The following ARFGEF1 variants were observed in gnomAD, a reference collection of about 807,000 sequenced individuals.
ARFGEF1 encodes the protein ARF guanine nucleotide exchange factor 1.
In ARFGEF1, 42 loss-of-function variants were observed where a neutral mutation model predicts 231.0. The ratio of observed to expected loss-of-function variants is 0.18; its 90% CI spans 0.14 to 0.24. ARFGEF1 has a LOEUF of 0.24. Ranked by LOEUF, ARFGEF1 falls within the 10% of genes least tolerant of loss-of-function variation. ARFGEF1 has a pLI of 1.00. For synonymous variants in ARFGEF1, 710 were observed against 732.3 expected (o/e 0.97, Z 0.49); for missense variants, 1,345 against 2,192.0 (o/e 0.61, Z 7.72).
chr8:67,280,198 C>G (rs1238618604), intron 7 of ARFGEF1, among the ~76,000 whole-genome samples: 1 of 152,180 alleles, frequency 6.6e-6, no homozygotes, highest in Non-Finnish European at 1.5e-5. Context: ...TAAAAGACTT[C>G]AAAGCCTAGA....
Position 67,217,807 on chromosome 8 carries a change from TATCCA to T in ARFGEF1, c.4583_4587del (p.Leu1528HisfsTer30). 6.2e-7 allele frequency: 1 copy of T among 1,613,988 alleles called. No individual in the cohort carries two copies. Among genetic ancestry groups the T allele is most frequent in the Non-Finnish European group, 8.5e-7 (1 of 1,179,928 alleles). ...GCATGTGGGATTGTGGTTTTGAAGA[TATCCA>T]GTGTGCAGTTGCAAGTTTTATCCCA... On this transcript the variant is annotated frameshift_variant, in exon 32 of 39. Transcript: ENST00000262215. LOFTEE classifies it high-confidence loss of function.
intron 5 of ARFGEF1, among the ~76,000 whole-genome samples, chr8:67,188,805 G>A (rs1835397608): frequency 6.6e-6 from 1 of 152,196 alleles, no homozygotes; most frequent in Non-Finnish European, 1.5e-5. Flanking sequence ...TTCCTGCACG[G>A]CTAAGTGCCC....
chr8:67,196,732 C>A (rs534758861), downstream of ARFGEF1, among the ~76,000 whole-genome samples: 3 of 152,272 alleles, frequency 2.0e-5, no homozygotes, highest in East Asian at 5.8e-4. Context: ...TCTGACTCTT[C>A]TAGGGGAAGA....
chr8:67,285,624 T>C (rs1805725620), intron 7 of ARFGEF1, among the ~76,000 whole-genome samples: 1 of 152,176 alleles, frequency 6.6e-6, no homozygotes, highest in Non-Finnish European at 1.5e-5. Context: ...AAATGTTCCT[T>C]TACAGAGAGC....
chr8:67,228,101 A>C lies in ARFGEF1; in HGVS notation c.3453T>G (p.Ser1151=). The C allele has an allele frequency of 1.2e-6, 2 of 1,610,848 alleles. No individual in the cohort carries two copies. The highest frequency in any genetic ancestry group is 1.7e-6 in the Non-Finnish European group (2 of 1,178,860). ...GTGTCGTGGAAAGTAATTCATCCAT[A>C]GACACAGCACAGAGCCAACGGACAA... ...VDFVRWLCAV[S]MDELLSTTHP... The change falls in exon 25 of 39, where the codon TCT becomes TCG. Residue 1151 remains serine (S), a synonymous_variant. Transcript: ENST00000262215.
At chr8:67,250,295 A>G (rs1044059741) in intron 19 of ARFGEF1, among the ~76,000 whole-genome samples, 2 of 152,194 alleles carry the variant, frequency 1.3e-5, no homozygotes, top group African/African-American at 2.4e-5. Flanking sequence ...GCCTGTTAGG[A>G]GAATGCCGCA....
At position 67,330,915 on chromosome 8, in the gene ARFGEF1, A is replaced by G. The variant is rs373776123; in HGVS notation, c.124+12249T>C. Among the ~76,000 whole-genome samples, 6 of 152,188 alleles carry G rather than the reference A, an allele frequency of 3.9e-5. No individual in the cohort carries two copies. The East Asian group carries it at 5.8e-4, about 15-fold the overall frequency. Reference sequence around the variant, plus strand: ...ATTGGATGAAACAAAATAATCAACTACTTCCCAACTATAACACTTTTTATC... The same window carrying G: ...ATTGGATGAAACAAAATAATCAACTGCTTCCCAACTATAACACTTTTTATC... On this transcript the variant is annotated intron_variant, in intron 1 of 38. Transcript: ENST00000262215.
chr8:67,219,872 T>C (rs925600603), intron 29 of ARFGEF1, among the ~76,000 whole-genome samples: 2 of 152,202 alleles, frequency 1.3e-5, no homozygotes, highest in African/African-American at 2.4e-5. Flanking sequence ...GGATAACCGT[T>C]TGAGTGAATA....
intron 14 of ARFGEF1, among the ~76,000 whole-genome samples, chr8:67,262,394 T>A (rs571107403): frequency 4.9e-4 from 75 of 152,288 alleles, no homozygotes; most frequent in Admixed American, 1.3e-3. Context: ...TATAGACAAG[T>A]GAAAACAGTG....
Position 67,200,474 on chromosome 8 carries a change from T to C in ARFGEF1, c.5307A>G (p.Thr1769=), listed in dbSNP as rs149952216. ...TCCAGGCTTCTCGATGACTTTCTGA[T>C]GTTAGAGTGAGGAAGTAACTTAGTG... The part of the protein sequence containing the change: ...SEALSYFLTL[T]SESHREAWTN... Residue 1769 remains threonine, a synonymous_variant, in exon 38 of 39, where the codon ACA becomes ACG. Coordinates refer to ENST00000262215, the MANE Select transcript of ARFGEF1 (RefSeq NM_006421.5). 6.2e-7 allele frequency: 1 copy of C among 1,606,606 alleles called. No individual in the cohort carries two copies. Among genetic ancestry groups the C allele is most frequent in the African/African-American group, 1.3e-5 (1 of 74,812 alleles).
intron 10 of ARFGEF1, among the ~76,000 whole-genome samples, chr8:67,271,025 CAAAAAAAAAAAAAAAAAAGGAAAAAGA>C (rs1285661676): frequency 8.3e-5 from 3 of 36,092 alleles, no homozygotes; most frequent in African/African-American, 3.2e-4. Context: ...ACTCCATCTC[CAAAAAAAAAAAAAAAAAAGGAAAAAGA>C]AAAAAAAAAA....
intron 1 of ARFGEF1, among the ~76,000 whole-genome samples, chr8:67,325,845 G>A (rs1040092967): frequency 2.0e-5 from 3 of 152,112 alleles, no homozygotes; most frequent in African/African-American, 7.2e-5. Flanking sequence ...AATGGAATAA[G>A]CACAAATTTT....
intron 1 of ARFGEF1, among the ~76,000 whole-genome samples, chr8:67,336,710 G>A (rs1417352532): frequency 6.6e-6 from 1 of 152,140 alleles, no homozygotes; most frequent in Non-Finnish European, 1.5e-5. Flanking sequence ...CCACCTAAAG[G>A]CTCTAAGTTG....
At chr8:67,336,045 G>T (rs561057861) in intron 1 of ARFGEF1, among the ~76,000 whole-genome samples, 1 of 152,182 alleles carries the variant, frequency 6.6e-6, no homozygotes. Flanking sequence ...CACCGCGCCC[G>T]GCCATTTTAA....
At position 67,254,591 on chromosome 8, in the gene ARFGEF1, T is replaced by A. The variant is rs1032437425; in HGVS notation, c.2527-969A>T. Among the ~76,000 whole-genome samples, 17 of 152,120 alleles carry A rather than the reference T, an allele frequency of 1.1e-4. 1 individual carries two copies. The highest frequency in any genetic ancestry group is 3.4e-3 in the Middle Eastern group (1 of 294). On this transcript the variant is annotated intron_variant, in intron 17 of 38. Transcript: ENST00000262215. ...CCGTAGTCCCAACTATTCAGGAGGC[T>A]GGGGAAGGAGGATGGCACAAGACCA... is the stretch of plus-strand genomic sequence containing the variant.
At position 67,302,192 on chromosome 8, in the gene ARFGEF1, C is replaced by T. The variant is rs565767425; in HGVS notation, c.155+244G>A. ...CCAGCCTGGACAACAGAGCGAGACCCTGTCTCCAAAAAAATATATGCATAC... is the reference window on the plus strand; with the variant it reads ...CCAGCCTGGACAACAGAGCGAGACCTTGTCTCCAAAAAAATATATGCATAC... On this transcript the variant is annotated intron_variant, in intron 2 of 38. Coordinates refer to ENST00000262215, the MANE Select transcript of ARFGEF1 (RefSeq NM_006421.5). 2.6e-5 allele frequency among the ~76,000 whole-genome samples: 4 copies of T among 151,608 alleles called. No homozygotes were observed. In the South Asian group the frequency reaches 6.3e-4, roughly 24 times the overall value.
intron 5 of ARFGEF1, among the ~76,000 whole-genome samples, chr8:67,188,332 T>C (rs987467209): frequency 1.3e-5 from 2 of 152,210 alleles, no homozygotes; most frequent in African/African-American, 4.8e-5. Context: ...TAAGCCTAGC[T>C]GGGAAGGTGA....
At position 67,278,508 on chromosome 8, in the gene ARFGEF1, C is replaced by A. The variant is rs532837102; in HGVS notation, c.1028-1051G>T. Among the ~76,000 whole-genome samples the A allele has an allele frequency of 2.6e-5, 4 of 152,200 alleles. No individual in the cohort carries two copies. In the East Asian group the frequency reaches 5.8e-4, roughly 22 times the overall value. Reference sequence around the variant, plus strand: ...GAGTAGCAGCTTCTGGTTCCCCTACCCAGAAGTTGCTTTCTCCTCTCCAAA... The same window carrying A: ...GAGTAGCAGCTTCTGGTTCCCCTACACAGAAGTTGCTTTCTCCTCTCCAAA... On this transcript the variant is annotated intron_variant, in intron 7 of 38. Coordinates refer to ENST00000262215, the MANE Select transcript of ARFGEF1 (RefSeq NM_006421.5).
intron 5 of ARFGEF1, among the ~76,000 whole-genome samples, chr8:67,184,116 G>A (rs369526084): frequency 1.3e-5 from 2 of 152,158 alleles, no homozygotes; most frequent in African/African-American, 4.8e-5. Context: ...GCCTCCCAAA[G>A]TGCTGGGATT....
Sources: gnomAD v4.1 joint callset for allele counts (sites outside exome capture counted in the v4.1 genomes callset) on GRCh38, gnomAD v4.1.1 for gene constraint, MANE v1.5 for transcripts, NCBI Gene and HGNC (gene_info 2026-07-23, HGNC 2026-07-21) for gene names.